Variants in PKP4 observed in about 807,000 individuals in gnomAD.
The protein encoded by PKP4 is plakophilin 4.
A neutral mutation model predicts 145.1 loss-of-function variants in PKP4; 90 were observed. The observed-to-expected ratio is 0.62, with a 90% CI of 0.52 to 0.74. The LOEUF (loss-of-function observed/expected upper bound fraction) is 0.74, where lower values mean the gene tolerates loss of function less well. Among genes scored for constraint, PKP4 ranks in the 30% least tolerant of loss-of-function variants. The pLI, the probability that PKP4 is intolerant of heterozygous loss-of-function variation, is 0.00. For missense variants in PKP4, 1,340 were observed against 1,482.7 expected, an observed-to-expected ratio of 0.90 and a Z score of 1.58; for synonymous variants, 563 against 577.2, an observed-to-expected ratio of 0.98 and a Z score of 0.35.
chr2:158,496,964 A>G (rs1695835691), intron 1 of PKP4, among the ~76,000 whole-genome samples: 1 of 152,172 alleles, frequency 6.6e-6, no homozygotes, highest in Admixed American at 6.5e-5. Context: ...GAAAAAAATT[A>G]ATGGTCTGAA....
At chr2:158,654,852 T>A (rs553763985) in intron 11 of PKP4, among the ~76,000 whole-genome samples, 16 of 152,228 alleles carry the variant, frequency 1.1e-4, no homozygotes, top group Admixed American at 5.9e-4. Context: ...TAAAAATAGA[T>A]CCATCACAAA....
At chr2:158,508,187 T>C (rs1195808379) in intron 1 of PKP4, among the ~76,000 whole-genome samples, 3 of 139,490 alleles carry the variant, frequency 2.2e-5, no homozygotes, top group Non-Finnish European at 3.2e-5. Context: ...TGAAACCCCG[T>C]CTCTATTAAA....
At chr2:158,648,601 C>G (rs1005225641) in intron 11 of PKP4, among the ~76,000 whole-genome samples, 2 of 152,192 alleles carry the variant, frequency 1.3e-5, no homozygotes, top group African/African-American at 4.8e-5. Context: ...CTGTTATGGG[C>G]CACTAGGGCT....
intron 19 of PKP4, among the ~76,000 whole-genome samples, chr2:158,676,442 A>G (rs2058017528): frequency 6.6e-6 from 1 of 152,150 alleles, no homozygotes. Flanking sequence ...TAGTGGGGAA[A>G]GCTGCATGAT....
chr2:158,577,558 C>G (rs1162546761), intron 3 of PKP4, among the ~76,000 whole-genome samples, 175 bp downstream of exon 3: 1 of 152,190 alleles, frequency 6.6e-6, no homozygotes, highest in African/African-American at 2.4e-5. Flanking sequence ...ATCCCTCAGT[C>G]CTGTGCTTGA....
chr2:158,531,871 T>G (rs566930712), intron 1 of PKP4, among the ~76,000 whole-genome samples: 15 of 152,300 alleles, frequency 9.8e-5, no homozygotes, highest in African/African-American at 3.6e-4. Flanking sequence ...AGAGAACTCA[T>G]GAGGCTGGGG....
intron 3 of PKP4, among the ~76,000 whole-genome samples, chr2:158,582,209 T>C (rs959353288): frequency 6.6e-6 from 1 of 152,170 alleles, no homozygotes; most frequent in African/African-American, 2.4e-5. Flanking sequence ...TTGGAATGAA[T>C]TAATAAAGAA....
intron 2 of PKP4, among the ~76,000 whole-genome samples, chr2:158,571,090 TC>T (rs2047375888): frequency 6.6e-6 from 1 of 152,152 alleles, no homozygotes; most frequent in South Asian, 2.1e-4. Context: ...AGTTGAGTTG[TC>T]AAGCTGATGG....
chr2:158,477,128 C>A (rs1241644023), intron 1 of PKP4, among the ~76,000 whole-genome samples: 4 of 152,074 alleles, frequency 2.6e-5, no homozygotes, highest in African/African-American at 7.2e-5. Flanking sequence ...AGTTAAGCCA[C>A]AGATATGACC....
intron 1 of PKP4, among the ~76,000 whole-genome samples, chr2:158,524,137 C>G (rs1360311443): frequency 2.0e-4 from 12 of 58,894 alleles, no homozygotes; most frequent in South Asian, 1.6e-3. Context: ...GAGAACGCCA[C>G]AAAGATACTC....
intron 2 of PKP4, among the ~76,000 whole-genome samples, chr2:158,575,119 G>A (rs376804488): frequency 6.6e-6 from 1 of 152,294 alleles, no homozygotes; most frequent in Middle Eastern, 3.4e-3. Context: ...CCAAATTTGT[G>A]CCACAATGTT....
At chr2:158,480,350 C>T (rs1442349473) in intron 1 of PKP4, among the ~76,000 whole-genome samples, 1 of 152,138 alleles carries the variant, frequency 6.6e-6, no homozygotes. Flanking sequence ...GATTCTCCTG[C>T]CATAGCCTCC....
At chr2:158,554,517 C>T (rs2045917688) in intron 2 of PKP4, among the ~76,000 whole-genome samples, 1 of 151,550 alleles carries the variant, frequency 6.6e-6, no homozygotes, top group African/African-American at 2.4e-5. Context: ...GCTCCGCCTT[C>T]CAGGTTCACA....
At chr2:158,548,750 C>T in intron 2 of PKP4, 1 of 304,782 alleles carries the variant, frequency 3.3e-6, no homozygotes, top group Middle Eastern at 1.2e-3. Context: ...AGAGACAAAG[C>T]AAGAGAAGAA....
At chr2:158,601,480 G>A (rs2050222286) in intron 3 of PKP4, among the ~76,000 whole-genome samples, 1 of 152,212 alleles carries the variant, frequency 6.6e-6, no homozygotes, top group South Asian at 2.1e-4. Flanking sequence ...TTGAAATTCA[G>A]TGTGCAGAAC....
At chr2:158,599,736 G>T (rs2050069257) in intron 3 of PKP4, among the ~76,000 whole-genome samples, 1 of 152,182 alleles carries the variant, frequency 6.6e-6, no homozygotes, top group Non-Finnish European at 1.5e-5. Flanking sequence ...AGGAAGGCCA[G>T]GGAGCCAGAA....
At chr2:158,578,050 A>G (rs1348227275) in intron 3 of PKP4, 1 of 166,044 alleles carries the variant, frequency 6.0e-6, no homozygotes, top group Non-Finnish European at 1.5e-5. Flanking sequence ...TGTAAAGCCT[A>G]CTGTAAAATG....
intron 2 of PKP4, among the ~76,000 whole-genome samples, chr2:158,550,579 C>T (rs2045538017): frequency 6.6e-6 from 1 of 152,204 alleles, no homozygotes; most frequent in Non-Finnish European, 1.5e-5. Flanking sequence ...GCTGCACTCT[C>T]AGCAAAGGTG....
intron 1 of PKP4, among the ~76,000 whole-genome samples, chr2:158,493,602 C>T (rs901020306): frequency 7.9e-5 from 12 of 152,160 alleles, no homozygotes; most frequent in Non-Finnish European, 4.4e-5. Flanking sequence ...GCCTGAGTAG[C>T]CCTCTTCCAA....
Sources: gnomAD v4.1 joint callset for allele counts (sites outside exome capture counted in the v4.1 genomes callset) on GRCh38, gnomAD v4.1.1 for gene constraint, MANE v1.5 for transcripts, NCBI Gene and HGNC (gene_info 2026-07-23, HGNC 2026-07-21) for gene names.